Variants in MACROH2A1 observed in about 807,000 individuals in gnomAD.
MACROH2A1 encodes macroH2A.1 histone.
MACROH2A1 carries 2 observed loss-of-function variants against 31.6 expected under a neutral mutation model. The observed-to-expected ratio is 0.06, with a 90% CI of 0.03 to 0.20. The LOEUF is 0.20. Among genes scored for constraint, MACROH2A1 ranks in the 10% least tolerant of loss-of-function variants. MACROH2A1 has a pLI of 1.00. For missense variants in MACROH2A1, 230 were observed against 474.0 expected, an observed-to-expected ratio of 0.49 and a Z score of 4.78; for synonymous variants, 169 against 189.6, an observed-to-expected ratio of 0.89 and a Z score of 0.89.
chr5:135,342,975 C>T (rs1434818333), intron 8 of MACROH2A1, among the ~76,000 whole-genome samples: 2 of 152,208 alleles, frequency 1.3e-5, no homozygotes, highest in Non-Finnish European at 2.9e-5. Context: ...TCAAAACTTA[C>T]TCTCTGAGGT....
intron 2 of MACROH2A1, among the ~76,000 whole-genome samples, chr5:135,383,700 G>GTGGTGTGTGT: frequency 1.5e-5 from 2 of 137,224 alleles, no homozygotes; most frequent in South Asian, 4.9e-4. Flanking sequence ...GATGTGGTGT[G>GTGGTGTGTGT]GTGTGTGTGT....
chr5:135,365,336 C>CTG (rs139821352), intron 4 of MACROH2A1, among the ~76,000 whole-genome samples: 5,603 of 152,252 alleles, frequency 0.037, 381 homozygotes, highest in African/African-American at 0.13. Flanking sequence ...TGCCATTCCT[C>CTG]TGCCAGGAGC....
At chr5:135,376,481 A>C (rs1764881665) in intron 2 of MACROH2A1, among the ~76,000 whole-genome samples, 1 of 152,192 alleles carries the variant, frequency 6.6e-6, no homozygotes, top group African/African-American at 2.4e-5. Flanking sequence ...TAACCCACCA[A>C]CCCAACTCAG....
At position 135,353,053 on chromosome 5, in the gene MACROH2A1, GA is replaced by G; in HGVS notation, c.589-9del. On this transcript the variant is annotated splice_polypyrimidine_tract_variant and intron_variant, in intron 5 of 8. Coordinates refer to ENST00000511689, the MANE Select transcript of MACROH2A1 (RefSeq NM_138610.3). ...ACTGTGAATAAGGTTCAGCTGCAAA[GA>G]AAAGCATGAGGTGGGAAATAACAGG... The G allele has an allele frequency of 1.3e-6, 2 of 1,556,390 alleles. No individual in the cohort carries two copies. The highest frequency in any genetic ancestry group is 1.8e-6 in the Non-Finnish European group (2 of 1,127,366).
chr5:135,367,660 G>A (rs1245808372), intron 4 of MACROH2A1, among the ~76,000 whole-genome samples: 1 of 152,206 alleles, frequency 6.6e-6, no homozygotes, highest in Admixed American at 6.5e-5. Context: ...AACAGTGAAC[G>A]CATGAAGGAG....
intron 8 of MACROH2A1, among the ~76,000 whole-genome samples, chr5:135,337,079 A>C (rs964620154): frequency 1.2e-4 from 19 of 152,194 alleles, no homozygotes; most frequent in African/African-American, 4.3e-4. Flanking sequence ...GAATCCCAAG[A>C]CCATGCTCTG....
At chr5:135,391,452 C>T (rs1581370916) in intron 1 of MACROH2A1, among the ~76,000 whole-genome samples, 1 of 152,220 alleles carries the variant, frequency 6.6e-6, no homozygotes, top group East Asian at 1.9e-4. Context: ...GATCCGTTAG[C>T]ACTCAGAGAC....
At position 135,334,419 on chromosome 5, in the gene MACROH2A1, CCAAATTG is replaced by C. The variant is rs1224753256; in HGVS notation, c.*550_*556del. The stretch of plus-strand genomic sequence containing the variant: ...TTTACTAAATCAACTCACACAAATT[CCAAATTG>C]CAAATATAATTAAGGACAACAGATT... On this transcript the variant is annotated 3_prime_UTR_variant, in exon 9 of 9. Coordinates refer to ENST00000511689, the MANE Select transcript of MACROH2A1 (RefSeq NM_138610.3). 1 of 172,882 alleles carries C rather than the reference CCAAATTG, an allele frequency of 5.8e-6. No homozygotes were observed. Among genetic ancestry groups the C allele is most frequent in the Non-Finnish European group, 1.2e-5 (1 of 80,484 alleles). The allele number at this position is 172,882 out of a possible 1,614,324, so 10.7% of individuals were successfully genotyped here. A position where few individuals can be genotyped will look rare whatever the true frequency, so the allele number is the denominator to read the frequency against.
At chr5:135,381,197 C>G (rs1395496472) in intron 2 of MACROH2A1, among the ~76,000 whole-genome samples, 1 of 152,148 alleles carries the variant, frequency 6.6e-6, no homozygotes, top group Non-Finnish European at 1.5e-5. Flanking sequence ...TGATCTCTAT[C>G]TCCCACCATA....
rs373024740 is a variant in MACROH2A1 at position 135,360,569 on chromosome 5, G to A, written c.516C>T (p.Asp172=). 1.1e-5 allele frequency: 17 copies of A among 1,614,036 alleles called. No individual in the cohort carries two copies. The highest frequency in any genetic ancestry group is 1.3e-5 in the Non-Finnish European group (15 of 1,179,910). Residue 172 remains aspartate (D), a synonymous_variant, in exon 5 of 9, where the codon GAC becomes GAT. Coordinates refer to ENST00000511689, the MANE Select transcript of MACROH2A1 (RefSeq NM_138610.3). ...CGGCAGGTGTGCCCTCGGTTGTGCTGTCGGCGCTGGCTGCCTTACTGACTT... is the reference window on the plus strand; with the variant it reads ...CGGCAGGTGTGCCCTCGGTTGTGCTATCGGCGCTGGCTGCCTTACTGACTT... The part of the protein sequence containing the change: ...QGEVSKAASA[D]STTEGTPADG...
chr5:135,356,952 C>T (rs757747748), intron 5 of MACROH2A1: 4 of 152,208 alleles, frequency 2.6e-5, no homozygotes, highest in Middle Eastern at 3.2e-3. Context: ...GCCTGGCTGA[C>T]CACCTAAAAT....
intron 1 of MACROH2A1, among the ~76,000 whole-genome samples, chr5:135,389,894 C>T (rs1489354218): frequency 6.6e-6 from 1 of 152,200 alleles, no homozygotes; most frequent in African/African-American, 2.4e-5. Context: ...TCTAATCCAC[C>T]CTCTACCCCA....
At chr5:135,339,037 C>G (rs1016423646) in intron 8 of MACROH2A1, among the ~76,000 whole-genome samples, 3 of 152,216 alleles carry the variant, frequency 2.0e-5, no homozygotes, top group Admixed American at 1.3e-4. Context: ...TGTTTCCACT[C>G]TCTCTTCAGC....
rs61424623 is a variant in MACROH2A1, at chr5:135,385,340, C to G, written c.172+3582G>C. 8.6e-3 allele frequency among the ~76,000 whole-genome samples: 1,311 copies of G among 152,342 alleles called. 19 individuals are homozygous for G. The highest frequency in any genetic ancestry group is 0.029 in the African/African-American group (1,205 of 41,570). On this transcript the variant is annotated intron_variant, in intron 2 of 8. Coordinates refer to ENST00000511689, the MANE Select transcript of MACROH2A1 (RefSeq NM_138610.3). Reference sequence around the variant, plus strand: ...CACCCACTTGCAGTCCTGTCTCCCCCCTTGCAGCACAGGTGGTCCTGCATC... The same window carrying G: ...CACCCACTTGCAGTCCTGTCTCCCCGCTTGCAGCACAGGTGGTCCTGCATC...
At chr5:135,370,398 C>A (rs1764029049) in intron 2 of MACROH2A1, among the ~76,000 whole-genome samples, 1 of 152,172 alleles carries the variant, frequency 6.6e-6, no homozygotes, top group South Asian at 2.1e-4. Flanking sequence ...AGCTGAAGAT[C>A]ACTGAGTGAG....
At chr5:135,360,422 C>T in intron 5 of MACROH2A1, 75 bp downstream of exon 5, 2 of 982,684 alleles carry the variant, frequency 2.0e-6, no homozygotes, top group East Asian at 2.4e-5. Context: ...ATCCCCCCAG[C>T]CTTCCAGTGG....
chr5:135,393,456 C>A (rs1030464647), intron 1 of MACROH2A1, among the ~76,000 whole-genome samples: 8 of 152,208 alleles, frequency 5.3e-5, no homozygotes, highest in Non-Finnish European at 8.8e-5. Context: ...GAATGAGTTA[C>A]CACCCAAAAC....
chr5:135,347,083 C>T lies in MACROH2A1; in HGVS notation c.689-1026G>A, dbSNP rs574896191. Reference sequence around the variant, plus strand: ...GACAAAATACTCCCCTTAAGATTCACATCTGTCTTGGAAAATTCCAGGTGC... The same window carrying T: ...GACAAAATACTCCCCTTAAGATTCATATCTGTCTTGGAAAATTCCAGGTGC... On this transcript the variant is annotated intron_variant, in intron 6 of 8. Transcript: ENST00000511689. 118 of 152,354 alleles carry T rather than the reference C, an allele frequency of 7.7e-4. 1 individual carries two copies. Among genetic ancestry groups the T allele is most frequent in the African/African-American group, 2.7e-3 (111 of 41,578 alleles). 9.4% of individuals were successfully genotyped at this position (152,354 alleles called of 1,614,324 possible). A position where few individuals can be genotyped will look rare whatever the true frequency, so the allele number is the denominator to read the frequency against.
chr5:135,366,668 T>C (rs960778123), intron 4 of MACROH2A1, among the ~76,000 whole-genome samples: 1 of 151,880 alleles, frequency 6.6e-6, no homozygotes. Context: ...AAAGGAGACA[T>C]AAAAACTCAC....
Sources: gnomAD v4.1 joint callset for allele counts (sites outside exome capture counted in the v4.1 genomes callset) on GRCh38, gnomAD v4.1.1 for gene constraint, MANE v1.5 for transcripts, NCBI Gene and HGNC (gene_info 2026-07-23, HGNC 2026-07-21) for gene names.